ALMS1: variants seen among roughly 807,000 people sequenced by gnomAD.
ALMS1 encodes ALMS1 centrosome and basal body associated protein.
A neutral mutation model predicts 352.2 loss-of-function variants in ALMS1; 271 were observed. The ratio of observed to expected loss-of-function variants is 0.77; its 90% CI spans 0.70 to 0.85. ALMS1 has a LOEUF of 0.85. Among genes scored for constraint, ALMS1 ranks in the 40% least tolerant of loss-of-function variants. The pLI is 0.00. For synonymous variants in ALMS1, 1,865 were observed against 1,761.2 expected, an observed-to-expected ratio of 1.06 and a Z score of -1.48; for missense variants, 5,445 against 4,870.7, an observed-to-expected ratio of 1.12 and a Z score of -3.51.
At chr2:73,387,991 C>T (rs1234158864) in intron 1 of ALMS1, among the ~76,000 whole-genome samples, 1 of 151,696 alleles carries the variant, frequency 6.6e-6, no homozygotes, top group Non-Finnish European at 1.5e-5. Flanking sequence ...AATGGTTGTG[C>T]CAATATTAAG....
intron 16 of ALMS1, among the ~76,000 whole-genome samples, chr2:73,598,778 ATT>A (rs1402745791): frequency 3.9e-5 from 6 of 152,192 alleles, no homozygotes; most frequent in Non-Finnish European, 8.8e-5. Flanking sequence ...ACACTATAGT[ATT>A]TGTTCAGCTA....
At chr2:73,416,631 A>G (rs1414559848) in intron 2 of ALMS1, among the ~76,000 whole-genome samples, 1 of 152,198 alleles carries the variant, frequency 6.6e-6, no homozygotes, top group East Asian at 1.9e-4. Context: ...CCACCCGGGA[A>G]TTAAAAGATA....
chr2:73,423,918 C>T (rs1285949298), intron 4 of ALMS1, among the ~76,000 whole-genome samples: 1 of 152,062 alleles, frequency 6.6e-6, no homozygotes, highest in East Asian at 1.9e-4. Context: ...GCTAGTACTA[C>T]AGGCATGTGC....
chr2:73,441,141 G>A (rs576601042), intron 7 of ALMS1, among the ~76,000 whole-genome samples: 1 of 152,302 alleles, frequency 6.6e-6, no homozygotes, highest in African/African-American at 2.4e-5. Context: ...CTTGATTCTT[G>A]TTGATGGCAT....
intron 19 of ALMS1, 25 bp downstream of exon 19, chr2:73,601,461 AAT>A: frequency 6.2e-7 from 1 of 1,612,190 alleles, no homozygotes; most frequent in East Asian, 2.2e-5. Context: ...ACTTAACTTT[AAT>A]GCTACGTGTA....
Position 73,550,394 on chromosome 2 carries a change from A to G in ALMS1, c.10035A>G (p.Ala3345=), listed in dbSNP as rs749509826. 6.2e-6 allele frequency: 10 copies of G among 1,614,210 alleles called. No individual in the cohort carries two copies. The highest frequency in any genetic ancestry group is 5.0e-5 in the Admixed American group (3 of 60,030). Residue 3345 remains alanine (A), a synonymous_variant, in exon 13 of 23, where the codon GCA becomes GCG. Coordinates refer to ENST00000613296, the MANE Select transcript of ALMS1 (RefSeq NM_001378454.1). The part of the protein sequence containing the change: ...GIYSKRVVTK[A]SLPVGEKPLQ... ...ACAGTAAGAGGGTAGTGACTAAGGC[A>G]TCCTTGCCAGTGGGAGAAAAACCCT...
intron 9 of ALMS1, among the ~76,000 whole-genome samples, chr2:73,461,061 G>A (rs1164487727): frequency 6.6e-6 from 1 of 152,212 alleles, no homozygotes; most frequent in African/African-American, 2.4e-5. Flanking sequence ...AGACTTAAAT[G>A]TCCCTGTCTG....
chr2:73,452,699 T>C lies in ALMS1; in HGVS notation c.6172T>C (p.Phe2058Leu). The C allele has an allele frequency of 6.2e-7, 1 of 1,613,810 alleles. No individual in the cohort carries two copies. The highest frequency in any genetic ancestry group is 8.5e-7 in the Non-Finnish European group (1 of 1,179,988). Residue 2058 changes from phenylalanine to leucine, a missense_variant, in exon 8 of 23, where the codon TTT (phenylalanine) becomes CTT (leucine). Phe to Leu is a conservative substitution (Grantham distance 22). Transcript: ENST00000613296. ...YSQTVKPNIL[F>L]QQQLPDRDQS... is the part of the protein sequence containing the mutation. ...TCAAACAGTAAAGCCCAATATTTTA[T>C]TTCAACAGCAGTTGCCAGATAGAGA... is the stretch of plus-strand genomic sequence containing the variant.
intron 16 of ALMS1, among the ~76,000 whole-genome samples, chr2:73,580,622 T>C (rs979105133): frequency 2.0e-5 from 3 of 152,234 alleles, no homozygotes; most frequent in Admixed American, 6.5e-5. Context: ...ACTTTCTTGT[T>C]TCTTTTCATG....
At chr2:73,604,393 G>A (rs1292018898) in intron 21 of ALMS1, among the ~76,000 whole-genome samples, 5 of 152,030 alleles carry the variant, frequency 3.3e-5, no homozygotes, top group African/African-American at 1.2e-4. Flanking sequence ...CTGAAACTCT[G>A]TATTCAAAAA....
At chr2:73,472,609 A>C (rs778447349) in intron 9 of ALMS1, among the ~76,000 whole-genome samples, 5 of 152,036 alleles carry the variant, frequency 3.3e-5, no homozygotes, top group Non-Finnish European at 4.4e-5. Context: ...AGTTAACATT[A>C]AAAACCAGGA....
chr2:73,504,837 C>T (rs970969424), intron 10 of ALMS1, among the ~76,000 whole-genome samples: 6 of 152,062 alleles, frequency 3.9e-5, no homozygotes, highest in Admixed American at 2.0e-4. Flanking sequence ...CCCATCAACT[C>T]GTCATCTACA....
At chr2:73,391,416 C>T (rs1443132622) in intron 1 of ALMS1, among the ~76,000 whole-genome samples, 2 of 151,220 alleles carry the variant, frequency 1.3e-5, no homozygotes, top group Non-Finnish European at 1.5e-5. Flanking sequence ...GCCTCAGCCT[C>T]CCGAGTAGCT....
chr2:73,494,508 C>G (rs1456477701), intron 10 of ALMS1, among the ~76,000 whole-genome samples: 1 of 152,106 alleles, frequency 6.6e-6, no homozygotes, highest in African/African-American at 2.4e-5. Context: ...GTTTCAGATC[C>G]AACCCAGGAT....
intron 7 of ALMS1, among the ~76,000 whole-genome samples, chr2:73,443,182 G>A (rs1671750225): frequency 6.6e-6 from 1 of 152,090 alleles, no homozygotes. Flanking sequence ...TTCCTAGTTT[G>A]GAGTTCTTGC....
At chr2:73,569,157 C>T (rs1018463187) in intron 15 of ALMS1, among the ~76,000 whole-genome samples, 6 of 151,646 alleles carry the variant, frequency 4.0e-5, no homozygotes, top group South Asian at 4.2e-4. Flanking sequence ...TGGGATTGCA[C>T]GTGTGCACCA....
intron 21 of ALMS1, among the ~76,000 whole-genome samples, chr2:73,605,388 C>G (rs1186763222): frequency 6.6e-6 from 1 of 152,218 alleles, no homozygotes; most frequent in African/African-American, 2.4e-5. Context: ...GCACAACTCC[C>G]TGGACCAGGA....
At chr2:73,558,424 C>T (rs769774262) in intron 14 of ALMS1, among the ~76,000 whole-genome samples, 62 of 152,272 alleles carry the variant, frequency 4.1e-4, no homozygotes, top group Admixed American at 1.3e-3. Context: ...TCATGTTAAT[C>T]TCCTAATCAA....
chr2:73,513,711 C>T (rs968420043), intron 10 of ALMS1, among the ~76,000 whole-genome samples: 2 of 152,308 alleles, frequency 1.3e-5, no homozygotes, highest in African/African-American at 4.8e-5. Flanking sequence ...TGCTTGGGCT[C>T]TAACTCCACA....
Sources: allele counts gnomAD v4.1 joint callset (sites outside exome capture counted in the v4.1 genomes callset), GRCh38; gene constraint gnomAD v4.1.1; transcripts MANE v1.5; gene names NCBI Gene and HGNC (gene_info 2026-07-23, HGNC 2026-07-21).